ARHGAP15: variants seen among roughly 807,000 people sequenced by gnomAD.
ARHGAP15 encodes the protein Rho GTPase activating protein 15.
In ARHGAP15, 51 loss-of-function variants were observed where a neutral mutation model predicts 63.7. That is an observed-to-expected ratio of 0.80 (90% CI 0.64 to 1.01). The LOEUF (loss-of-function observed/expected upper bound fraction) is 1.01. ARHGAP15 is among the 50% of genes least tolerant of loss of function. ARHGAP15 has a pLI of 0.00. For missense variants in ARHGAP15, 560 were observed against 564.6 expected, an observed-to-expected ratio of 0.99 and a Z score of 0.08; for synonymous variants, 191 against 193.8, an observed-to-expected ratio of 0.99 and a Z score of 0.12.
intron 6 of ARHGAP15, among the ~76,000 whole-genome samples, chr2:143,285,409 A>T (rs932142686): frequency 6.6e-6 from 1 of 152,194 alleles, no homozygotes; most frequent in African/African-American, 2.4e-5. Context: ...AATTGACAGT[A>T]AATAATATGA....
intron 4 of ARHGAP15, among the ~76,000 whole-genome samples, chr2:143,218,607 T>C (rs1018146614): frequency 4.6e-5 from 7 of 152,306 alleles, no homozygotes; most frequent in African/African-American, 9.6e-5. Flanking sequence ...AACCTTATTA[T>C]GTTTCTTACT....
intron 1 of ARHGAP15, among the ~76,000 whole-genome samples, chr2:143,149,681 A>G (rs1420597246): frequency 6.6e-6 from 1 of 152,048 alleles, no homozygotes; most frequent in Non-Finnish European, 1.5e-5. Context: ...CCTCTAACTT[A>G]TAATAAAATA....
intron 4 of ARHGAP15, among the ~76,000 whole-genome samples, chr2:143,217,386 A>G (rs538928700): frequency 3.5e-4 from 54 of 152,326 alleles, no homozygotes; most frequent in African/African-American, 1.3e-3. Context: ...TACTTAAAAT[A>G]GCTATTTCAG....
intron 12 of ARHGAP15, among the ~76,000 whole-genome samples, chr2:143,668,713 T>C (rs566712338): frequency 6.6e-6 from 1 of 152,364 alleles, no homozygotes; most frequent in East Asian, 1.9e-4. Context: ...TCTGATATAC[T>C]TGTGGTTCAA....
chr2:143,428,086 C>A (rs761157974), intron 6 of ARHGAP15, among the ~76,000 whole-genome samples: 3 of 151,886 alleles, frequency 2.0e-5, no homozygotes, highest in Non-Finnish European at 2.9e-5. Flanking sequence ...CAACATAAAC[C>A]AGTTTGTGCT....
intron 3 of ARHGAP15, among the ~76,000 whole-genome samples, chr2:143,208,831 A>G (rs1216358660): frequency 6.6e-6 from 1 of 152,102 alleles, no homozygotes; most frequent in African/African-American, 2.4e-5. Flanking sequence ...TATCTTGTTT[A>G]TTTTTATCAA....
chr2:143,377,768 C>A (rs1402851166), intron 6 of ARHGAP15, among the ~76,000 whole-genome samples: 1 of 152,022 alleles, frequency 6.6e-6, no homozygotes. Flanking sequence ...TGCATCAGAA[C>A]TTTTTTGTTC....
At chr2:143,631,079 C>A (rs1699048165) in intron 12 of ARHGAP15, among the ~76,000 whole-genome samples, 1 of 152,068 alleles carries the variant, frequency 6.6e-6, no homozygotes, top group African/African-American at 2.4e-5. Context: ...TAAATGGAAT[C>A]ATACAGTATG....
At chr2:143,612,712 T>C (rs1220729400) in intron 11 of ARHGAP15, among the ~76,000 whole-genome samples, 2 of 152,210 alleles carry the variant, frequency 1.3e-5, no homozygotes, top group East Asian at 3.9e-4. Context: ...GGAGTTTACC[T>C]GTCCTGTATC....
intron 13 of ARHGAP15, among the ~76,000 whole-genome samples, chr2:143,753,875 A>C (rs1686474624): frequency 1.3e-5 from 2 of 152,186 alleles, no homozygotes; most frequent in South Asian, 4.1e-4. Flanking sequence ...GGAAAGACAC[A>C]CTGAACAATT....
At chr2:143,134,052 T>C (rs1689017450) in intron 1 of ARHGAP15, among the ~76,000 whole-genome samples, 2 of 152,182 alleles carry the variant, frequency 1.3e-5, no homozygotes, top group African/African-American at 4.8e-5. Flanking sequence ...GTGATGGATG[T>C]TTTCAAGTTT....
At chr2:143,393,480 T>C (rs1468526847) in intron 6 of ARHGAP15, among the ~76,000 whole-genome samples, 3 of 152,068 alleles carry the variant, frequency 2.0e-5, no homozygotes, top group Middle Eastern at 3.2e-3. Flanking sequence ...ATGCCTGTAA[T>C]CCCACCACTT....
chr2:143,595,218 C>T (rs1176139520), intron 11 of ARHGAP15, among the ~76,000 whole-genome samples: 3 of 152,076 alleles, frequency 2.0e-5, no homozygotes, highest in Non-Finnish European at 4.4e-5. Flanking sequence ...CAGAGTGAAC[C>T]GATTTGACAT....
rs1042341413 is a variant in ARHGAP15, at chr2:143,174,160, A to G, written c.165+18505A>G. Among the ~76,000 whole-genome samples the G allele has an allele frequency of 2.0e-5, 3 of 152,232 alleles. No individual in the cohort carries two copies. The East Asian group carries it at 5.8e-4, about 29-fold the overall frequency. ...TCCGTTTGTACCTGGTGGATTATATATTATATTAATTCATAATACCAGCTC... is the reference window on the plus strand; with the variant it reads ...TCCGTTTGTACCTGGTGGATTATATGTTATATTAATTCATAATACCAGCTC... On this transcript the variant is annotated intron_variant, in intron 2 of 13. Coordinates refer to ENST00000295095, the MANE Select transcript of ARHGAP15 (RefSeq NM_018460.4).
chr2:143,407,261 A>C lies in ARHGAP15; in HGVS notation c.475-28340A>C, dbSNP rs542174423. ...TTGATAGATATCTCTCTCTCTCTTA[A>C]CTCAGCCTCATAAGCTCTATTCATT... On this transcript the variant is annotated intron_variant, in intron 6 of 13. Transcript: ENST00000295095. Among the ~76,000 whole-genome samples, 3 of 151,620 alleles carry C rather than the reference A, an allele frequency of 2.0e-5. No individual in the cohort carries two copies. The South Asian group carries it at 6.2e-4, about 32-fold the overall frequency.
intron 11 of ARHGAP15, among the ~76,000 whole-genome samples, chr2:143,580,240 T>C (rs1696841821): frequency 6.6e-6 from 1 of 151,978 alleles, no homozygotes; most frequent in African/African-American, 2.4e-5. Context: ...GTCAATTTTT[T>C]CAGAGATTTG....
At chr2:143,387,883 GTGCACA>G (rs1307214631) in intron 6 of ARHGAP15, among the ~76,000 whole-genome samples, 1 of 149,868 alleles carries the variant, frequency 6.7e-6, no homozygotes. Flanking sequence ...ACACGCATGC[GTGCACA>G]TACACATACA....
chr2:143,639,397 A>C (rs1009136658), intron 12 of ARHGAP15, among the ~76,000 whole-genome samples: 1 of 152,130 alleles, frequency 6.6e-6, no homozygotes, highest in Non-Finnish European at 1.5e-5. Context: ...TCACTGGAAA[A>C]ATTTTTAAAA....
At position 143,153,813 on chromosome 2, in the gene ARHGAP15, T is replaced by A. The variant is rs920418658; in HGVS notation, c.-14-1664T>A. ...CTTCTTCTTCTTCTTCTTCTTCTTC[T>A]TCTTCTTCTTCTTCTTCTTCTTCTT... On this transcript the variant is annotated intron_variant, in intron 1 of 13. Transcript: ENST00000295095. Among the ~76,000 whole-genome samples the A allele has an allele frequency of 1.0e-3, 79 of 76,952 alleles. 1 individual carries two copies. Among genetic ancestry groups the A allele is most frequent in the African/African-American group, 3.4e-3 (73 of 21,512 alleles). The allele number at this position is 76,952 out of a possible 152,430, so 50.5% of individuals were successfully genotyped here.
Sources: allele counts gnomAD v4.1 joint callset (sites outside exome capture counted in the v4.1 genomes callset), GRCh38; gene constraint gnomAD v4.1.1; transcripts MANE v1.5; gene names NCBI Gene and HGNC (gene_info 2026-07-23, HGNC 2026-07-21).